Variants in EVC observed in about 807,000 individuals in gnomAD.
EVC encodes EvC ciliary complex subunit 1, also known as evC complex member EVC.
A neutral mutation model predicts 118.9 loss-of-function variants in EVC; 116 were observed. That is an observed-to-expected ratio of 0.98 (90% CI 0.84 to 1.14). The LOEUF is 1.14. EVC is among the 50% of genes most tolerant of loss of function. The pLI, the probability that EVC is intolerant of heterozygous loss-of-function variation, is 0.00. For synonymous variants in EVC, 619 were observed against 534.7 expected, an observed-to-expected ratio of 1.16 and a Z score of -2.18; for missense variants, 1,401 against 1,246.4, an observed-to-expected ratio of 1.12 and a Z score of -1.87.
At position 5,737,314 on chromosome 4, in the gene EVC, A is replaced by T. The variant is rs892652059; in HGVS notation, c.702+3879A>T. Among the ~76,000 whole-genome samples, 1 of 152,264 alleles carries T rather than the reference A, an allele frequency of 6.6e-6. No homozygotes were observed. The highest frequency in any genetic ancestry group is 2.4e-5 in the African/African-American group (1 of 41,470). On this transcript the variant is annotated intron_variant, in intron 5 of 20. Transcript: ENST00000264956. The surrounding 1 kb of genome is among the most constrained non-coding windows in gnomAD (Gnocchi z 5.0). ...CTGTCTCCAGAACAAACAAAAGTGC[A>T]AGGTGAAGCAGCAGCAAGTGCTGAT...
At chr4:5,822,567 T>G in the EVC span, among the ~76,000 whole-genome samples, 1 of 152,102 alleles carries the variant, frequency 6.6e-6, no homozygotes, top group Non-Finnish European at 1.5e-5. Context: ...CTTTTACCTA[T>G]TCTCTTGCAT....
rs1447569467 is a variant in EVC, at chr4:5,742,471, CACT to C, written c.801+659_801+661del. 7.9e-5 allele frequency among the ~76,000 whole-genome samples: 12 copies of C among 152,078 alleles called. No individual in the cohort carries two copies. Among genetic ancestry groups the C allele is most frequent in the Non-Finnish European group, 1.3e-4 (9 of 68,010 alleles). On this transcript the variant is annotated intron_variant, in intron 6 of 20. Transcript: ENST00000264956. This position sits in a 1 kb window ranked among gnomAD's most constrained non-coding sequence, Gnocchi z 5.2. Reference sequence around the variant, plus strand: ...TTTTATTTTGTATCACCATCACCACCACTATTACTATCACAGTTCTCTTCTTCA... The same window carrying C: ...TTTTATTTTGTATCACCATCACCACCATTACTATCACAGTTCTCTTCTTCA...
At chr4:5,764,071 A>G (rs374087018) in intron 11 of EVC, among the ~76,000 whole-genome samples, 47,304 of 128,752 alleles carry the variant, frequency 0.37, 7,706 homozygotes, top group East Asian at 0.46. Context: ...TTTGAGATAC[A>G]TCCCATCAAT....
At chr4:5,722,390 T>A (rs568414952) in intron 2 of EVC, among the ~76,000 whole-genome samples, 2 of 152,348 alleles carry the variant, frequency 1.3e-5, no homozygotes, top group African/African-American at 4.8e-5. Context: ...AAAGATCTCC[T>A]TGTTTCAGTG....
At chr4:5,715,107 T>G (rs1438350068) in intron 1 of EVC, among the ~76,000 whole-genome samples, 1 of 152,104 alleles carries the variant, frequency 6.6e-6, no homozygotes, top group Non-Finnish European at 1.5e-5. Context: ...AGCCACCACA[T>G]CTGGCCTTGG....
Position 5,743,377 on chromosome 4 carries a change from A to G in EVC, c.801+1563A>G, listed in dbSNP as rs954852347. On this transcript the variant is annotated intron_variant, in intron 6 of 20. Coordinates refer to ENST00000264956, the MANE Select transcript of EVC (RefSeq NM_153717.3). This position sits in a 1 kb window ranked among gnomAD's most constrained non-coding sequence, Gnocchi z 4.7. ...TACTACTATCACCAGCCTCTTATTC[A>G]TCATCCCCTGCCATCATTTTCATTA... 2.6e-5 allele frequency among the ~76,000 whole-genome samples: 4 copies of G among 152,074 alleles called. No individual in the cohort carries two copies. The highest frequency in any genetic ancestry group is 6.6e-5 in the Admixed American group (1 of 15,266).
intron 11 of EVC, among the ~76,000 whole-genome samples, chr4:5,774,608 C>A (rs986471096): frequency 1.3e-5 from 2 of 151,972 alleles, no homozygotes; most frequent in African/African-American, 4.8e-5. Flanking sequence ...CTGGGGAGGG[C>A]AGGTGGTGGT....
At chr4:5,770,033 A>G (rs1255202375) in intron 11 of EVC, among the ~76,000 whole-genome samples, 8 of 152,070 alleles carry the variant, frequency 5.3e-5, no homozygotes. Flanking sequence ...GCTACAGACT[A>G]AAGTCAGCCA....
rs1383579687 is a variant in EVC, at chr4:5,731,275, ACT to A, written c.385-147_385-146del. 1.3e-6 allele frequency: 1 copy of A among 756,766 alleles called. No individual in the cohort carries two copies. The highest frequency in any genetic ancestry group is 2.4e-6 in the Non-Finnish European group (1 of 419,144). 46.9% of individuals were successfully genotyped at this position (756,766 alleles called of 1,614,324 possible). On this transcript the variant is annotated intron_variant, in intron 3 of 20. Coordinates refer to ENST00000264956, the MANE Select transcript of EVC (RefSeq NM_153717.3). The surrounding 1 kb of genome is among the most constrained non-coding windows in gnomAD (Gnocchi z 5.6). ...CGATGTGGCAGAACCTGGGACGGAA[ACT>A]CTGTGGTGTCTGCTGGCACCCTGGC... is the stretch of plus-strand genomic sequence containing the variant.
At chr4:5,787,402 G>C (rs1191942571) in intron 12 of EVC, among the ~76,000 whole-genome samples, 1 of 152,222 alleles carries the variant, frequency 6.6e-6, no homozygotes, top group African/African-American at 2.4e-5. Flanking sequence ...TATCACAAGG[G>C]TCCTTATAAG....
rs761724907 is a variant in EVC, at chr4:5,783,768, C to A, written c.1776+4C>A. The A allele has an allele frequency of 4.4e-6, 7 of 1,605,364 alleles. No homozygotes were observed. Among genetic ancestry groups the A allele is most frequent in the Non-Finnish European group, 6.0e-6 (7 of 1,175,716 alleles). ...GCTCCTAGAGCAAGACCAGCAGGTGCGGGCATTTGGGAACCCAGGGGCTGG... is the reference window on the plus strand; with the variant it reads ...GCTCCTAGAGCAAGACCAGCAGGTGAGGGCATTTGGGAACCCAGGGGCTGG... On this transcript the variant is annotated splice_donor_region_variant and intron_variant, in intron 12 of 20. Transcript: ENST00000264956.
intron 12 of EVC, among the ~76,000 whole-genome samples, chr4:5,790,252 T>C (rs1001997436): frequency 2.7e-5 from 4 of 150,754 alleles, no homozygotes; most frequent in African/African-American, 7.3e-5. Flanking sequence ...AGCACTCCAA[T>C]AGATTATTGT....
chr4:5,718,197 G>A (rs9996210), intron 1 of EVC, among the ~76,000 whole-genome samples: 122,249 of 152,206 alleles, frequency 0.8, 49,443 homozygotes, highest in African/African-American at 0.89. Context: ...ACACTGAACC[G>A]TTGTTCCTGG....
chr4:5,774,521 G>A (rs1234387508), intron 11 of EVC, among the ~76,000 whole-genome samples: 2 of 152,000 alleles, frequency 1.3e-5, no homozygotes, highest in Non-Finnish European at 2.9e-5. Flanking sequence ...ACTGAGCCTT[G>A]AGTAGGTTAA....
In EVC at chr4:5,719,495, C is replaced by T; in HGVS notation, c.300+122C>T. 1 of 1,448,670 alleles carries T rather than the reference C, an allele frequency of 6.9e-7. No homozygotes were observed. The highest frequency in any genetic ancestry group is 9.6e-7 in the Non-Finnish European group (1 of 1,037,164). 89.7% of individuals were successfully genotyped at this position (1,448,670 alleles called of 1,614,324 possible). A position where few individuals can be genotyped will look rare whatever the true frequency, so the allele number is the denominator to read the frequency against. ...TATAGTTTCCCAATGGGCTGCTTTTCTGAGGCATAATTTACATACAGTCAA... is the reference window on the plus strand; with the variant it reads ...TATAGTTTCCCAATGGGCTGCTTTTTTGAGGCATAATTTACATACAGTCAA... On this transcript the variant is annotated intron_variant, in intron 2 of 20. Transcript: ENST00000264956. The surrounding 1 kb of genome is among the most constrained non-coding windows in gnomAD (Gnocchi z 4.7).
intron 15 of EVC, 34 bp from the exon 16 acceptor site, chr4:5,801,916 C>A: frequency 6.2e-7 from 1 of 1,609,584 alleles, no homozygotes; most frequent in South Asian, 1.1e-5. Flanking sequence ...CGTGTGACTT[C>A]TCTGCTGTCC....
chr4:5,826,018 CTT>C, the EVC span: 3 of 313,870 alleles, frequency 9.6e-6, no homozygotes, highest in Non-Finnish European at 1.8e-5. Flanking sequence ...CGCACACACA[CTT>C]AAATCACATA....
downstream of EVC, among the ~76,000 whole-genome samples, chr4:5,816,660 C>T (rs1302798644): frequency 6.8e-6 from 1 of 147,518 alleles, no homozygotes; most frequent in African/African-American, 2.5e-5. Flanking sequence ...TCCCTCCCTC[C>T]TTCCCCTCTC....
intron 16 of EVC, 73 bp downstream of exon 16, chr4:5,802,167 A>G (rs1285733561): frequency 4.3e-5 from 67 of 1,548,364 alleles, no homozygotes; most frequent in Non-Finnish European, 5.6e-5. Context: ...GCAGAATAGG[A>G]TGTCAGATAC....
Sources: gnomAD v4.1 joint callset for allele counts (sites outside exome capture counted in the v4.1 genomes callset) on GRCh38, gnomAD v4.1.1 for gene constraint, Gnocchi (gnomAD v3.1) non-coding constraint, MANE v1.5 for transcripts, NCBI Gene and HGNC (gene_info 2026-07-23, HGNC 2026-07-21) for gene names.